EML6: variants seen among roughly 807,000 people sequenced by gnomAD.
EML6 encodes the protein echinoderm microtubule-associated protein-like 6.
In EML6, 154 loss-of-function variants were observed where a neutral mutation model predicts 240.1. The observed-to-expected ratio is 0.64, with a 90% CI of 0.56 to 0.73. The LOEUF (loss-of-function observed/expected upper bound fraction) is 0.73. Among genes scored for constraint, EML6 ranks in the 30% least tolerant of loss-of-function variants. The pLI is 0.00. For missense variants in EML6, 2,964 were observed against 2,474.6 expected (o/e 1.20, Z -4.20); for synonymous variants, 1,148 against 899.0 (o/e 1.28, Z -4.95).
At chr2:54,967,632 G>GA (rs1484576307) in intron 39 of EML6, among the ~76,000 whole-genome samples, 1 of 152,030 alleles carries the variant, frequency 6.6e-6, no homozygotes, top group Non-Finnish European at 1.5e-5. Context: ...AACTGAGGCA[G>GA]AGGGGGAACA....
rs910622848 is a variant in EML6 at position 54,968,147 on chromosome 2, A to G, written c.5617A>G (p.Ile1873Val). Residue 1873 changes from isoleucine (I) to valine (V), a missense_variant, in exon 40 of 42, where the codon ATT becomes GTT. Ile to Val is a conservative substitution (Grantham distance 29). Transcript: ENST00000356458. ...SWTSVLGDEV[I>V]GIWPRNADKA... is the part of the protein sequence containing the mutation. ...GAACAGCGTCCTGGGAGATGAAGTC[A>G]TTGGAATCTGGCCACGAAATGCAGA... 2 of 1,551,376 alleles carry G rather than the reference A, an allele frequency of 1.3e-6. No individual in the cohort carries two copies. The highest frequency in any genetic ancestry group is 3.9e-5 in the Admixed American group (2 of 51,004).
rs1315334741 is a variant in EML6 at position 54,846,644 on chromosome 2, C to T, written c.1050-842C>T. ...GATTACAGGCATGCCCCACCACACC[C>T]AGCTATTTTTAAAATCTTTTTTAGA... On this transcript the variant is annotated intron_variant, in intron 8 of 41. Coordinates refer to ENST00000356458, the MANE Select transcript of EML6 (RefSeq NM_001039753.4). Among the ~76,000 whole-genome samples the T allele has an allele frequency of 5.9e-5, 9 of 152,070 alleles. No homozygotes were observed. In the East Asian group the frequency reaches 1.7e-3, roughly 29 times the overall value.
chr2:54,970,157 T>C lies in EML6; in HGVS notation c.*62T>C. On this transcript the variant is annotated 3_prime_UTR_variant, in exon 42 of 42. Transcript: ENST00000356458. ...TACCAGCCAGCAACTGCAGAGGCCA[T>C]GCTGAGGTGCCTCCTTGCCACCAGC... 2 of 1,509,870 alleles carry C rather than the reference T, an allele frequency of 1.3e-6. No homozygotes were observed. The allele number at this position is 1,509,870 out of a possible 1,614,324, so 93.5% of individuals were successfully genotyped here.
At chr2:54,926,539 C>CTG (rs1449307952) in intron 26 of EML6, among the ~76,000 whole-genome samples, 2 of 152,246 alleles carry the variant, frequency 1.3e-5, no homozygotes, top group African/African-American at 4.8e-5. Context: ...ATCCCAATGG[C>CTG]TGTGCCAGGT....
rs549843476 is a variant in EML6, at chr2:54,723,991, G to C, written c.-514+214G>C. On this transcript the variant is annotated intron_variant, in intron 1 of 41. Transcript: ENST00000356458. Reference sequence around the variant, plus strand: ...GCGACCCCTCTCCACGCTGGGCTCAGGGCAGGACCCGGGATTCCGTGGGAC... The same window carrying C: ...GCGACCCCTCTCCACGCTGGGCTCACGGCAGGACCCGGGATTCCGTGGGAC... Among the ~76,000 whole-genome samples the C allele has an allele frequency of 1.5e-3, 225 of 152,352 alleles. 1 individual carries two copies. Among genetic ancestry groups the C allele is most frequent in the Non-Finnish European group, 2.3e-3 (156 of 68,016 alleles).
chr2:54,934,949 C>A (rs978369233), intron 28 of EML6, among the ~76,000 whole-genome samples: 1 of 152,154 alleles, frequency 6.6e-6, no homozygotes, highest in African/African-American at 2.4e-5. Flanking sequence ...TAAGTCAAAT[C>A]ACTTGTCACT....
intron 7 of EML6, among the ~76,000 whole-genome samples, chr2:54,840,032 G>C (rs1315676876): frequency 6.6e-6 from 1 of 152,224 alleles, no homozygotes; most frequent in African/African-American, 2.4e-5. Flanking sequence ...TAAAAAAGTA[G>C]ATTATTTAGT....
intron 16 of EML6, among the ~76,000 whole-genome samples, chr2:54,872,620 A>ACATC (rs1439670241): frequency 6.6e-6 from 1 of 152,134 alleles, no homozygotes; most frequent in Non-Finnish European, 1.5e-5. Context: ...AGCCCTTGGG[A>ACATC]CATCCATGGC....
At chr2:54,928,170 A>C (rs1674657482) in intron 26 of EML6, 143 bp from the exon 27 acceptor site, 2 of 703,740 alleles carry the variant, frequency 2.8e-6, no homozygotes, top group East Asian at 5.4e-5. Context: ...GTGCCTGCCC[A>C]CATGGAGCTT....
At chr2:54,850,403 T>C (rs75263346) in intron 10 of EML6, 185 bp downstream of exon 10, 1 of 580,570 alleles carries the variant, frequency 1.7e-6, no homozygotes, top group African/African-American at 1.9e-5. Flanking sequence ...TAACAGACAT[T>C]CAAAGGAAAG....
At chr2:54,884,990 G>A (rs1040108697) in intron 17 of EML6, among the ~76,000 whole-genome samples, 4 of 151,982 alleles carry the variant, frequency 2.6e-5, no homozygotes, top group African/African-American at 7.2e-5. Context: ...CCCGGCCCCC[G>A]TCTCTACTAA....
intron 2 of EML6, among the ~76,000 whole-genome samples, chr2:54,765,930 A>G (rs1668170115): frequency 6.6e-6 from 1 of 152,164 alleles, no homozygotes; most frequent in Non-Finnish European, 1.5e-5. Context: ...GAAGAATACC[A>G]ATATACCTTT....
intron 2 of EML6, among the ~76,000 whole-genome samples, chr2:54,776,347 C>T (rs35559436): frequency 0.073 from 11,034 of 152,122 alleles, 593 homozygotes; most frequent in East Asian, 0.31. Flanking sequence ...TGCCTGGGCT[C>T]GGTACCTTCG....
At chr2:54,949,476 A>G (rs2104480043) in intron 29 of EML6, among the ~76,000 whole-genome samples, 1 of 152,150 alleles carries the variant, frequency 6.6e-6, no homozygotes, top group East Asian at 1.9e-4. Context: ...GGGAGTTATC[A>G]GGTCCCAAGC....
intron 24 of EML6, among the ~76,000 whole-genome samples, chr2:54,909,774 G>A (rs1673541088): frequency 6.7e-6 from 1 of 149,858 alleles, no homozygotes; most frequent in Admixed American, 6.7e-5. Context: ...AACTTGAGAG[G>A]CAGAGGTTGC....
chr2:54,831,506 C>T (rs367977407), intron 7 of EML6, among the ~76,000 whole-genome samples: 7 of 151,888 alleles, frequency 4.6e-5, no homozygotes, highest in Non-Finnish European at 8.8e-5. Flanking sequence ...GGACAGTCAG[C>T]GACGCCCTCC....
chr2:54,948,680 A>G (rs781652769), intron 28 of EML6, among the ~76,000 whole-genome samples: 32 of 152,150 alleles, frequency 2.1e-4, no homozygotes, highest in Non-Finnish European at 3.8e-4. Flanking sequence ...GGGAGGCCCA[A>G]CCCAGTGCCT....
chr2:54,852,183 A>G (rs996237256), intron 10 of EML6, among the ~76,000 whole-genome samples: 22 of 152,098 alleles, frequency 1.4e-4, no homozygotes, highest in African/African-American at 4.8e-4. Flanking sequence ...GCCCATTGGG[A>G]TTTTTTAAAT....
At chr2:54,874,108 G>A (rs557768127) in intron 16 of EML6, among the ~76,000 whole-genome samples, 16 of 152,236 alleles carry the variant, frequency 1.1e-4, no homozygotes, top group African/African-American at 3.1e-4. Context: ...TAATTAGCTC[G>A]TGTTATTTTA....
Sources: gnomAD v4.1 joint callset for allele counts (sites outside exome capture counted in the v4.1 genomes callset) on GRCh38, gnomAD v4.1.1 for gene constraint, MANE v1.5 for transcripts, NCBI Gene and HGNC (gene_info 2026-07-23, HGNC 2026-07-21) for gene names.